The following TM4SF18 variants were observed in gnomAD, a reference collection of about 807,000 sequenced individuals.
TM4SF18 encodes the protein transmembrane 4 L six family member 18, also known as transmembrane 4 L6 family member 18.
TM4SF18 carries 22 observed loss-of-function variants against 23.8 expected under a neutral mutation model. The ratio of observed to expected loss-of-function variants is 0.92; its 90% confidence interval spans 0.66 to 1.32. The LOEUF (loss-of-function observed/expected upper bound fraction) is 1.32, where lower values mean the gene tolerates loss of function less well. Ranked by LOEUF, TM4SF18 falls within the 40% of genes most tolerant of loss-of-function variation. TM4SF18 has a pLI of 0.00. For synonymous variants in TM4SF18, 87 were observed against 87.9 expected, an observed-to-expected ratio of 0.99 and a Z score of 0.06; for missense variants, 255 against 240.3, an observed-to-expected ratio of 1.06 and a Z score of -0.41.
At position 149,322,348 on chromosome 3, in the gene TM4SF18, T is replaced by C. The variant is rs1302336017; in HGVS notation, c.499A>G (p.Thr167Ala). 8 of 1,613,772 alleles carry C rather than the reference T, an allele frequency of 5.0e-6. No homozygotes were observed. The African/African-American group carries it at 9.4e-5, about 19-fold the overall frequency. The change falls in exon 5 of 6, where the codon ACC becomes GCC. Residue 167 changes from threonine (T) to alanine (A), a missense_variant. By Grantham distance (58) the Thr-to-Ala change is moderately conservative (BLOSUM62 0). Coordinates refer to ENST00000296059, the MANE Select transcript of TM4SF18 (RefSeq NM_138786.4). Reference protein sequence around the residue: ...WNIILFSILITLSGLQVIICL... With the variant: ...WNIILFSILIALSGLQVIICL... ...ATGATCACTTGAAGCCCACTGAGGGTTATGAGAATGGAAAATAAAATGATG... is the reference window on the plus strand; with the variant it reads ...ATGATCACTTGAAGCCCACTGAGGGCTATGAGAATGGAAAATAAAATGATG...
chr3:149,322,904 A>ATTTTTTTTTTTTTTTTTTTTT (rs1576830684), intron 4 of TM4SF18, among the ~76,000 whole-genome samples: 1 of 95,310 alleles, frequency 1.0e-5, no homozygotes. Context: ...TGGCCTCCAG[A>ATTTTTTTTTTTTTTTTTTTTT]CTTTTTTTTT....
intron 3 of TM4SF18, among the ~76,000 whole-genome samples, chr3:149,326,356 G>A (rs1160826889): frequency 6.6e-6 from 1 of 152,168 alleles, no homozygotes; most frequent in Non-Finnish European, 1.5e-5. Context: ...TACTTAATGG[G>A]TGTGGTGTAC....
Position 149,325,014 on chromosome 3 carries a change from C to G in TM4SF18, c.276G>C (p.Leu92=). 6.2e-7 allele frequency: 1 copy of G among 1,613,704 alleles called. No homozygotes were observed. The highest frequency in any genetic ancestry group is 8.5e-7 in the Non-Finnish European group (1 of 1,179,804). ...TTCCGAGGGAAGAAAAGATAATTGA[C>G]AGCAGTGTCTAAATTAAAACATAGA... ...ENCSKKYVTL[L]SIIFSSLGIA... Residue 92 remains leucine, a synonymous_variant, in exon 4 of 6, where the codon CTG becomes CTC. Transcript: ENST00000296059.
chr3:149,327,063 C>A (rs1442498188), intron 3 of TM4SF18, among the ~76,000 whole-genome samples: 1 of 152,154 alleles, frequency 6.6e-6, no homozygotes, highest in Non-Finnish European at 1.5e-5. Flanking sequence ...GATTCTCCTG[C>A]CTCAGCCTCC....
At chr3:149,329,111 T>A (rs1731021468) in intron 3 of TM4SF18, among the ~76,000 whole-genome samples, 1 of 151,376 alleles carries the variant, frequency 6.6e-6, no homozygotes, top group Admixed American at 6.6e-5. Context: ...ATCTCTTCCA[T>A]AAGTATATTA....
chr3:149,324,972 G>A lies in TM4SF18; in HGVS notation c.318C>T (p.Tyr106=), dbSNP rs1453667379. 1 of 1,614,172 alleles carries A rather than the reference G, an allele frequency of 6.2e-7. No homozygotes were observed. The highest frequency in any genetic ancestry group is 8.5e-7 in the Non-Finnish European group (1 of 1,180,014). Residue 106 remains tyrosine, a synonymous_variant, in exon 4 of 6, where the codon TAC becomes TAT. Coordinates refer to ENST00000296059, the MANE Select transcript of TM4SF18 (RefSeq NM_138786.4). ...FSSLGIAFSG[Y]CLVISALGLV... The stretch of plus-strand genomic sequence containing the variant: ...GACCCAAGGCAGAGATGACCAGGCA[G>A]TATCCAGAAAAAGCAATTCCGAGGG...
intron 5 of TM4SF18, among the ~76,000 whole-genome samples, chr3:149,321,799 CCTT>C (rs760889390): frequency 2.6e-5 from 4 of 151,982 alleles, no homozygotes; most frequent in Non-Finnish European, 2.9e-5. Flanking sequence ...TACATATTTC[CCTT>C]CTTCTTCAAA....
At chr3:149,332,474 G>GA (rs1159010321) in intron 2 of TM4SF18, among the ~76,000 whole-genome samples, 1 of 152,040 alleles carries the variant, frequency 6.6e-6, no homozygotes, top group African/African-American at 2.4e-5. Flanking sequence ...AAGTCATCAG[G>GA]AAAACGTTCA....
In TM4SF18 at chr3:149,330,258, T is replaced by C. The variant is rs1731060685; in HGVS notation, c.267+72A>G. ...GTGAGGGTATAATACTGTCAATATT[T>C]TTGTGTTTCTGAGTGAGAGGAAAGA... On this transcript the variant is annotated intron_variant, in intron 3 of 5. Transcript: ENST00000296059. 19 of 981,306 alleles carry C rather than the reference T, an allele frequency of 1.9e-5. No individual in the cohort carries two copies. The South Asian group carries it at 2.7e-4, about 14-fold the overall frequency. 60.8% of individuals were successfully genotyped at this position (981,306 alleles called of 1,614,324 possible).
chr3:149,324,754 G>T, intron 4 of TM4SF18, 126 bp downstream of exon 4: 1 of 1,221,880 alleles, frequency 8.2e-7, no homozygotes, highest in Non-Finnish European at 1.2e-6. Flanking sequence ...AAACTAACAG[G>T]GAAATTCTGC....
chr3:149,333,363 C>T lies in TM4SF18; in HGVS notation c.20G>A (p.Gly7Glu), dbSNP rs141680896. The T allele has an allele frequency of 1.6e-4, 253 of 1,612,492 alleles. No individual in the cohort carries two copies. The highest frequency in any genetic ancestry group is 2.0e-4 in the Non-Finnish European group (236 of 1,179,308). Reference sequence around the variant, plus strand: ...AATCAGCAAACAACTTAGGCAGCCTCCACACTTCCGAGACCCCATTTTGCC... The same window carrying T: ...AATCAGCAAACAACTTAGGCAGCCTTCACACTTCCGAGACCCCATTTTGCC... MGSRKC[G>E]GCLSCLLIPL... Residue 7 changes from glycine (G) to glutamate (E), a missense_variant, in exon 2 of 6, where the codon GGA becomes GAA. Transcript: ENST00000296059.
In TM4SF18 at chr3:149,328,373, C is replaced by T. The variant is rs1211652770; in HGVS notation, c.267+1957G>A. On this transcript the variant is annotated intron_variant, in intron 3 of 5. Transcript: ENST00000296059. ...ATTCATGAGGGAAGAGCCATCATAA[C>T]TTAGTCACTTCCAAAAACATCCCAC... 3.3e-5 allele frequency among the ~76,000 whole-genome samples: 5 copies of T among 152,254 alleles called. No individual in the cohort carries two copies. In the East Asian group the frequency reaches 9.7e-4, roughly 29 times the overall value.
rs201899022 is a variant in TM4SF18 at position 149,322,269 on chromosome 3, G to A, written c.578C>T (p.Ser193Leu). The A allele has an allele frequency of 1.7e-4, 269 of 1,612,018 alleles. No individual in the cohort carries two copies. Among genetic ancestry groups the A allele is most frequent in the Non-Finnish European group, 2.1e-4 (245 of 1,179,174 alleles). The change falls in exon 5 of 6, where the codon TCA (serine) becomes TTA (leucine). Residue 193 changes from serine to leucine, a missense_variant. Ser to Leu is a moderately radical substitution (Grantham distance 145). Coordinates refer to ENST00000296059, the MANE Select transcript of TM4SF18 (RefSeq NM_138786.4). ...AGAATCTGTTACCTGGAAGATCACT[G>A]AATAGCTTCCACACAGTATCTTGGA... ...QLSKILCGSY[S>L]VIFQPGII
rs751673031 is a variant in TM4SF18 at position 149,333,238 on chromosome 3, A to T, written c.145T>A (p.Tyr49Asn). Residue 49 changes from tyrosine (Y) to asparagine (N), a missense_variant, in exon 2 of 6, where the codon TAT (tyrosine) becomes AAT (asparagine). Tyr to Asn is a moderately radical substitution (Grantham distance 143, BLOSUM62 -2). Transcript: ENST00000296059. ...SSNKLTNYVWYFEGICFSGIM... is the reference protein window; with the variant it reads ...SSNKLTNYVWNFEGICFSGIM... ...CCTGAGAAACAGATTCCTTCAAAATACCACACGTAGTTGGTGAGTTTATTG... is the reference window on the plus strand; with the variant it reads ...CCTGAGAAACAGATTCCTTCAAAATTCCACACGTAGTTGGTGAGTTTATTG... 2 of 1,612,812 alleles carry T rather than the reference A, an allele frequency of 1.2e-6. No individual in the cohort carries two copies. The highest frequency in any genetic ancestry group is 1.7e-6 in the Non-Finnish European group (2 of 1,179,446).
Position 149,322,315 on chromosome 3 carries a change from T to G in TM4SF18, c.532A>C (p.Ile178Leu). 1.2e-6 allele frequency: 2 copies of G among 1,614,070 alleles called. No individual in the cohort carries two copies. Among genetic ancestry groups the G allele is most frequent in the Non-Finnish European group, 1.7e-6 (2 of 1,179,978 alleles). The change falls in exon 5 of 6, where the codon ATC (isoleucine) becomes CTC (leucine). Residue 178 changes from isoleucine (I) to leucine (L), a missense_variant. Ile to Leu is a conservative substitution (Grantham distance 5, BLOSUM62 2). Coordinates refer to ENST00000296059, the MANE Select transcript of TM4SF18 (RefSeq NM_138786.4). ...LSGLQVIICL[I>L]RVVMQLSKIL... ...TTGGATAGTTGCATGACTACTCTGA[T>G]GAGGCAGATGATCACTTGAAGCCCA... is the stretch of plus-strand genomic sequence containing the variant.
In TM4SF18 at chr3:149,322,294, A is replaced by C. The variant is rs1222001005; in HGVS notation, c.553T>G (p.Ser185Ala). ...ICLIRVVMQL[S>A]KILCGSYSVI... ...GAATAGCTTCCACACAGTATCTTGG[A>C]TAGTTGCATGACTACTCTGATGAGG... Residue 185 changes from serine to alanine, a missense_variant, in exon 5 of 6, where the codon TCC becomes GCC. Coordinates refer to ENST00000296059, the MANE Select transcript of TM4SF18 (RefSeq NM_138786.4). The C allele has an allele frequency of 6.2e-7, 1 of 1,613,924 alleles. No individual in the cohort carries two copies. The highest frequency in any genetic ancestry group is 1.3e-5 in the African/African-American group (1 of 74,920).
At chr3:149,330,309 C>CA (rs746319625) in intron 3 of TM4SF18, 21 bp downstream of exon 3, 7 of 1,578,626 alleles carry the variant, frequency 4.4e-6, no homozygotes, top group East Asian at 2.2e-5. Context: ...CAACCATCCT[C>CA]AAAAAAACTG....
chr3:149,322,960 G>T (rs1264123158), intron 4 of TM4SF18, among the ~76,000 whole-genome samples: 1 of 147,120 alleles, frequency 6.8e-6, no homozygotes, highest in Non-Finnish European at 1.5e-5. Context: ...CTGGAGTGCA[G>T]TGGCGCATCT....
chr3:149,328,509 G>T (rs1011578833), intron 3 of TM4SF18, among the ~76,000 whole-genome samples: 2 of 152,156 alleles, frequency 1.3e-5, no homozygotes, highest in African/African-American at 4.8e-5. Flanking sequence ...TTACATTTTG[G>T]AAGTTACAAA....
Sources: gnomAD v4.1 joint callset for allele counts (sites outside exome capture counted in the v4.1 genomes callset) on GRCh38, gnomAD v4.1.1 for gene constraint, MANE v1.5 for transcripts, NCBI Gene and HGNC (gene_info 2026-07-23, HGNC 2026-07-21) for gene names.